The following GBX1 variants were observed in gnomAD, a reference collection of about 807,000 sequenced individuals.
The protein encoded by GBX1 is gastrulation brain homeobox 1, also known as homeobox protein GBX-1.
GBX1 carries 9 observed loss-of-function variants against 22.9 expected under a neutral mutation model. The ratio of observed to expected loss-of-function variants is 0.39; its 90% CI spans 0.24 to 0.69. The LOEUF (loss-of-function observed/expected upper bound fraction) is 0.69, where lower values mean the gene tolerates loss of function less well. Ranked by LOEUF, GBX1 falls within the 30% of genes least tolerant of loss-of-function variation. The pLI, the probability that GBX1 is intolerant of heterozygous loss-of-function variation, is 0.43. For missense variants in GBX1, 494 were observed against 509.2 expected (o/e 0.97, Z 0.29); for synonymous variants, 203 against 227.3 (o/e 0.89, Z 0.96).
chr7:151,150,007 T>C, intron 1 of GBX1: 1 of 454,654 alleles, frequency 2.2e-6, no homozygotes, highest in Non-Finnish European at 4.4e-6. Context: ...CTAAGCTTGA[T>C]GTCAGCTGGG....
intron 1 of GBX1, among the ~76,000 whole-genome samples, chr7:151,152,642 G>C (rs984956991): frequency 6.6e-6 from 1 of 152,142 alleles, no homozygotes; most frequent in African/African-American, 2.4e-5. Context: ...AAGCACCCAG[G>C]GGGTGTCCAA....
At chr7:151,149,907 A>G (rs1473189346) in intron 1 of GBX1, 2 of 455,710 alleles carry the variant, frequency 4.4e-6, no homozygotes, top group Non-Finnish European at 8.8e-6. Context: ...AAATGAAACC[A>G]TCTCTTTCCC....
At chr7:151,150,955 C>G (rs1038429898) in intron 1 of GBX1, among the ~76,000 whole-genome samples, 1 of 152,188 alleles carries the variant, frequency 6.6e-6, no homozygotes, top group Non-Finnish European at 1.5e-5. Context: ...TGGCCTTGAG[C>G]TTCTGGGTTC....
chr7:151,163,751 C>A (rs1417682518), intron 1 of GBX1, among the ~76,000 whole-genome samples: 2 of 152,050 alleles, frequency 1.3e-5, no homozygotes, highest in African/African-American at 4.8e-5. Flanking sequence ...CTGCTTTGGG[C>A]TCTTCTATTG....
Position 151,165,979 on chromosome 7 carries a change from G to A in GBX1, c.538+1032C>T, listed in dbSNP as rs530496497. Among the ~76,000 whole-genome samples, 49 of 152,250 alleles carry A rather than the reference G, an allele frequency of 3.2e-4. 1 individual carries two copies. Among genetic ancestry groups the A allele is most frequent in the African/African-American group, 1.2e-3 (49 of 41,538 alleles). On this transcript the variant is annotated intron_variant, in intron 1 of 1. Transcript: ENST00000297537. ...ATGCAATGAATGGTTGAGCAGAAGC[G>A]GTTCCATCCTGATACTAAAGATGTT...
At chr7:151,152,277 C>T (rs184013960) in intron 1 of GBX1, among the ~76,000 whole-genome samples, 14 of 152,264 alleles carry the variant, frequency 9.2e-5, no homozygotes, top group Non-Finnish European at 1.9e-4. Context: ...ACGATATTCC[C>T]CACAACCCCA....
At chr7:151,156,409 A>AAC (rs1563550371) in intron 1 of GBX1, among the ~76,000 whole-genome samples, 3 of 149,040 alleles carry the variant, frequency 2.0e-5, no homozygotes, top group African/African-American at 7.4e-5. Flanking sequence ...AAAAAAAAAA[A>AAC]AAAAAAACGA....
chr7:151,155,670 T>C (rs1405612079), intron 1 of GBX1, among the ~76,000 whole-genome samples: 4 of 152,118 alleles, frequency 2.6e-5, no homozygotes, highest in Non-Finnish European at 4.4e-5. Context: ...CAGGGCAATT[T>C]CCCACCATTT....
chr7:151,165,117 T>C (rs550679180), intron 1 of GBX1, among the ~76,000 whole-genome samples: 1 of 152,208 alleles, frequency 6.6e-6, no homozygotes, highest in Non-Finnish European at 1.5e-5. Context: ...GTTCTCTTTG[T>C]ATATTCCAGT....
At chr7:151,164,031 C>T (rs1256343123) in intron 1 of GBX1, among the ~76,000 whole-genome samples, 2 of 151,300 alleles carry the variant, frequency 1.3e-5, no homozygotes, top group South Asian at 2.1e-4. Flanking sequence ...CCTGTCTTAA[C>T]TCTCAACAAA....
intron 1 of GBX1, among the ~76,000 whole-genome samples, chr7:151,158,894 C>T (rs1801163757): frequency 6.6e-6 from 1 of 152,146 alleles, no homozygotes; most frequent in African/African-American, 2.4e-5. Flanking sequence ...ATCCTTAACC[C>T]TGTGAGGTAA....
rs760715412 is a variant in GBX1, at chr7:151,148,688, G to A, written c.993C>T (p.Pro331=). The A allele has an allele frequency of 1.9e-5, 31 of 1,613,948 alleles. No homozygotes were observed. Among genetic ancestry groups the A allele is most frequent in the African/African-American group, 5.3e-5 (4 of 74,878 alleles). The change falls in exon 2 of 2, where the codon CCC becomes CCT. Residue 331 remains proline, a synonymous_variant. Coordinates refer to ENST00000297537, the MANE Select transcript of GBX1 (RefSeq NM_001098834.3). The surrounding 1 kb of genome is among the most constrained non-coding windows in gnomAD (Gnocchi z 5.1). ...GGACAACAATCTTGGGGTTTCTTACGGGCTCCCCAGAACGGCTGCTCACAT... is the reference window on the plus strand; with the variant it reads ...GGACAACAATCTTGGGGTTTCTTACAGGCTCCCCAGAACGGCTGCTCACAT... ...AGNVSSRSGE[P]VRNPKIVVPI...
chr7:151,166,485 CCA>C (rs1801252578), intron 1 of GBX1, among the ~76,000 whole-genome samples: 5 of 114,290 alleles, frequency 4.4e-5, no homozygotes, highest in South Asian at 2.8e-4. Flanking sequence ...CCCCCCCCCC[CCA>C]ACACACACAC....
intron 1 of GBX1, among the ~76,000 whole-genome samples, chr7:151,149,585 A>T (rs1004316107): frequency 6.6e-6 from 1 of 152,104 alleles, no homozygotes; most frequent in African/African-American, 2.4e-5. Context: ...GCAGTATGGG[A>T]CCCGGCTTGG....
chr7:151,151,989 C>T (rs930354001), intron 1 of GBX1, among the ~76,000 whole-genome samples: 3 of 152,160 alleles, frequency 2.0e-5, no homozygotes, highest in Non-Finnish European at 2.9e-5. Context: ...GTCCTTTCTC[C>T]GATTTATTTG....
At chr7:151,163,118 C>G (rs945172152) in intron 1 of GBX1, among the ~76,000 whole-genome samples, 1 of 152,052 alleles carries the variant, frequency 6.6e-6, no homozygotes, top group Non-Finnish European at 1.5e-5. Flanking sequence ...CTACATTTCT[C>G]CACATTCACG....
At chr7:151,156,385 CAAAAAAAAAAAAAAAAAAAAA>C (rs56947735) in intron 1 of GBX1, among the ~76,000 whole-genome samples, 1 of 15,926 alleles carries the variant, frequency 6.3e-5, no homozygotes, top group Non-Finnish European at 1.3e-4. Flanking sequence ...GACCCTGTCT[CAAAAAAAAAAAAAAAAAAAAA>C]AAAAAAAAAA....
chr7:151,159,764 ACTTCT>A (rs1801172075), intron 1 of GBX1, among the ~76,000 whole-genome samples: 1 of 152,086 alleles, frequency 6.6e-6, no homozygotes, highest in Non-Finnish European at 1.5e-5. Context: ...TTACAACACA[ACTTCT>A]CTTCTTTTCC....
intron 1 of GBX1, among the ~76,000 whole-genome samples, chr7:151,162,556 G>A (rs999170261): frequency 2.0e-5 from 3 of 152,110 alleles, no homozygotes; most frequent in Non-Finnish European, 2.9e-5. Context: ...CATGTCTCAA[G>A]TTTGTCCCAT....
Sources: gnomAD v4.1 joint callset for allele counts (sites outside exome capture counted in the v4.1 genomes callset) on GRCh38, gnomAD v4.1.1 for gene constraint, Gnocchi (gnomAD v3.1) non-coding constraint, MANE v1.5 for transcripts, NCBI Gene and HGNC (gene_info 2026-07-23, HGNC 2026-07-21) for gene names.